The following BMPR1A variants were observed in gnomAD, a reference collection of about 807,000 sequenced individuals.
BMPR1A encodes bone morphogenetic protein receptor type-1A.
In BMPR1A, 7 loss-of-function variants were observed where a neutral mutation model predicts 66.0. The observed-to-expected ratio is 0.11, with a 90% confidence interval of 0.06 to 0.20. BMPR1A has a LOEUF of 0.20. BMPR1A is among the 10% of genes least tolerant of loss of function. The pLI is 1.00. For synonymous variants in BMPR1A, 200 were observed against 229.7 expected (o/e 0.87, Z 1.17); for missense variants, 408 against 669.1 (o/e 0.61, Z 4.31).
chr10:86,840,937 T>C (rs1413174724), intron 2 of BMPR1A, among the ~76,000 whole-genome samples: 1 of 152,238 alleles, frequency 6.6e-6, no homozygotes, highest in Non-Finnish European at 1.5e-5. Context: ...CTGAAAATAT[T>C]GCAGGGATCT....
At chr10:86,878,253 CTAGATA>C (rs1352548679) in intron 3 of BMPR1A, among the ~76,000 whole-genome samples, 1 of 152,012 alleles carries the variant, frequency 6.6e-6, no homozygotes, top group Non-Finnish European at 1.5e-5. Flanking sequence ...AATGCTTATC[CTAGATA>C]TAAACAAGAA....
At chr10:86,837,882 A>G (rs907475136) in intron 1 of BMPR1A, among the ~76,000 whole-genome samples, 2 of 152,198 alleles carry the variant, frequency 1.3e-5, no homozygotes, top group Non-Finnish European at 2.9e-5. Flanking sequence ...AAAGACTGCT[A>G]CCTGATATGC....
chr10:86,921,831 T>G, intron 11 of BMPR1A, 136 bp downstream of exon 11: 1 of 1,076,156 alleles, frequency 9.3e-7, no homozygotes, highest in Non-Finnish European at 1.4e-6. Context: ...AAGGAGTTAT[T>G]TTGATACAGG....
chr10:86,895,192 A>T (rs914445945), intron 5 of BMPR1A, among the ~76,000 whole-genome samples: 1 of 152,180 alleles, frequency 6.6e-6, no homozygotes, highest in Non-Finnish European at 1.5e-5. Context: ...ATTTTCGATG[A>T]TAGGATCTTT....
chr10:86,917,088 G>A, intron 8 of BMPR1A, 46 bp from the exon 9 acceptor site: 2 of 1,595,642 alleles, frequency 1.3e-6, no homozygotes, highest in East Asian at 2.3e-5. Flanking sequence ...AGTCTTAATG[G>A]GTTTCTTTCA....
chr10:86,763,423 T>TA (rs1841105716), intron 1 of BMPR1A, among the ~76,000 whole-genome samples: 1 of 152,112 alleles, frequency 6.6e-6, no homozygotes, highest in Non-Finnish European at 1.5e-5. Flanking sequence ...TTCTTTATCT[T>TA]AAAAAATAGA....
intron 1 of BMPR1A, among the ~76,000 whole-genome samples, chr10:86,795,899 A>G (rs1484830843): frequency 6.6e-6 from 1 of 152,204 alleles, no homozygotes; most frequent in Non-Finnish European, 1.5e-5. Context: ...ATTGATATTG[A>G]GTTAAATTTA....
At chr10:86,897,134 C>A (rs1407942879) in intron 5 of BMPR1A, among the ~76,000 whole-genome samples, 2 of 152,180 alleles carry the variant, frequency 1.3e-5, no homozygotes. Flanking sequence ...TGTAACTTGG[C>A]GTCAGTTCCT....
chr10:86,807,501 C>A (rs1014754699), intron 1 of BMPR1A, among the ~76,000 whole-genome samples: 2 of 152,056 alleles, frequency 1.3e-5, no homozygotes, highest in Non-Finnish European at 2.9e-5. Context: ...CTGCCTCAGC[C>A]TCCTGAGTAG....
At chr10:86,866,121 G>A (rs933436037) in intron 2 of BMPR1A, among the ~76,000 whole-genome samples, 2 of 152,120 alleles carry the variant, frequency 1.3e-5, no homozygotes, top group South Asian at 4.1e-4. Flanking sequence ...TAGTTCCCCA[G>A]TTGGCAGAGC....
intron 1 of BMPR1A, among the ~76,000 whole-genome samples, chr10:86,807,439 G>C (rs565695520): frequency 6.6e-6 from 1 of 152,318 alleles, no homozygotes; most frequent in South Asian, 2.1e-4. Context: ...GGAGTGCAGT[G>C]ACATGATCAT....
chr10:86,908,305 T>C (rs138603302), intron 7 of BMPR1A, among the ~76,000 whole-genome samples: 2 of 152,306 alleles, frequency 1.3e-5, no homozygotes, highest in African/African-American at 4.8e-5. Flanking sequence ...GCATAAGATA[T>C]CACATGTACC....
At chr10:86,775,155 C>G (rs1841326652) in intron 1 of BMPR1A, among the ~76,000 whole-genome samples, 1 of 152,110 alleles carries the variant, frequency 6.6e-6, no homozygotes, top group African/African-American at 2.4e-5. Flanking sequence ...CTAGAAAAGC[C>G]AAGAAAATCG....
chr10:86,855,296 AC>A, intron 2 of BMPR1A: 1 of 1,053,956 alleles, frequency 9.5e-7, no homozygotes, highest in Non-Finnish European at 1.3e-6. Context: ...TCTGTCTTCC[AC>A]CCAATCAAAG....
At chr10:86,903,041 C>G (rs961155297) in intron 7 of BMPR1A, among the ~76,000 whole-genome samples, 1 of 152,048 alleles carries the variant, frequency 6.6e-6, no homozygotes, top group Non-Finnish European at 1.5e-5. Context: ...AAAGCAAGCC[C>G]CAAACAGATC....
At chr10:86,910,857 G>A (rs1412287604) in intron 7 of BMPR1A, among the ~76,000 whole-genome samples, 1 of 152,116 alleles carries the variant, frequency 6.6e-6, no homozygotes, top group East Asian at 1.9e-4. Flanking sequence ...TGTAATCTCA[G>A]CAGTTTGGGA....
In BMPR1A at chr10:86,855,583, A is replaced by G; in HGVS notation, c.-153+16604A>G. 3 of 557,802 alleles carry G rather than the reference A, an allele frequency of 5.4e-6. No individual in the cohort carries two copies. In the Admixed American group the frequency reaches 8.1e-5, roughly 15 times the overall value. The allele number at this position is 557,802 out of a possible 1,614,324, so 34.6% of individuals were successfully genotyped here. On this transcript the variant is annotated intron_variant, in intron 2 of 12. Coordinates refer to ENST00000372037, the MANE Select transcript of BMPR1A (RefSeq NM_004329.3). ...ATTTTTTGAAATAGTACTTTTCAAA[A>G]AAGTACTATTTGAAGAACTCTTGAG...
chr10:86,765,264 G>A (rs1841143589), intron 1 of BMPR1A, among the ~76,000 whole-genome samples: 2 of 151,844 alleles, frequency 1.3e-5, no homozygotes, highest in African/African-American at 4.8e-5. Context: ...GAGGCGGGAG[G>A]ATCACGAGGT....
At chr10:86,919,991 T>A (rs751338548) in intron 10 of BMPR1A, among the ~76,000 whole-genome samples, 14 of 152,140 alleles carry the variant, frequency 9.2e-5, no homozygotes, top group Non-Finnish European at 1.6e-4. Flanking sequence ...CATATAGTCT[T>A]AGCCATCCTT....
Sources: gnomAD v4.1 joint callset for allele counts (sites outside exome capture counted in the v4.1 genomes callset) on GRCh38, gnomAD v4.1.1 for gene constraint, MANE v1.5 for transcripts, NCBI Gene and HGNC (gene_info 2026-07-23, HGNC 2026-07-21) for gene names.